The following FGD5 variants were observed in gnomAD, a reference collection of about 807,000 sequenced individuals.
FGD5 encodes FYVE, RhoGEF and PH domain-containing protein 5.
Under a neutral mutation model 133.4 loss-of-function variants are expected in FGD5, and 28 were observed. The ratio of observed to expected loss-of-function variants is 0.21; its 90% CI spans 0.16 to 0.29. FGD5 has a LOEUF of 0.29. Among genes scored for constraint, FGD5 ranks in the 10% least tolerant of loss-of-function variants. The probability of loss-of-function intolerance (pLI) is 1.00; values close to 1 mark genes in which losing one functional copy is unlikely to be tolerated. For synonymous variants in FGD5, 810 were observed against 776.5 expected (o/e 1.04, Z -0.72); for missense variants, 1,858 against 1,895.2 (o/e 0.98, Z 0.36).
intron 2 of FGD5, among the ~76,000 whole-genome samples, chr3:14,879,031 A>G (rs926896873): frequency 3.9e-5 from 6 of 152,288 alleles, no homozygotes; most frequent in South Asian, 2.1e-4. Context: ...TTTAACCACA[A>G]CACTATGCAG....
chr3:14,868,511 A>G (rs1336377026), intron 2 of FGD5, among the ~76,000 whole-genome samples: 4 of 152,212 alleles, frequency 2.6e-5, no homozygotes, highest in Admixed American at 2.0e-4. Flanking sequence ...GGTTGTTGCC[A>G]TTGGACCAGT....
intron 19 of FGD5, 38 bp downstream of exon 19, chr3:14,932,769 C>A: frequency 1.3e-6 from 2 of 1,595,010 alleles, no homozygotes; most frequent in South Asian, 2.3e-5. Context: ...GCTTTTTGTT[C>A]TCTCAGAAGG....
At chr3:14,854,839 C>T (rs920717097) in intron 1 of FGD5, among the ~76,000 whole-genome samples, 4 of 152,202 alleles carry the variant, frequency 2.6e-5, no homozygotes, top group Admixed American at 6.5e-5. Context: ...TCATCTCAAA[C>T]GTTGATCATT....
chr3:14,810,704 C>T (rs2036278269), upstream of FGD5: 2 of 697,056 alleles, frequency 2.9e-6, no homozygotes, highest in Non-Finnish European at 3.5e-6. Context: ...CTGCGCGCCG[C>T]GCGGAGTCCG....
chr3:14,835,750 T>C (rs758056356), intron 1 of FGD5, among the ~76,000 whole-genome samples: 2 of 152,254 alleles, frequency 1.3e-5, no homozygotes, highest in East Asian at 3.9e-4. Context: ...GGGTGAGCCG[T>C]TTTCTAGAAT....
chr3:14,847,856 G>C (rs1489387749), intron 1 of FGD5, among the ~76,000 whole-genome samples: 1 of 152,230 alleles, frequency 6.6e-6, no homozygotes, highest in Admixed American at 6.5e-5. Flanking sequence ...TAGACTTGCT[G>C]TGTAGCCCAG....
chr3:14,889,786 G>A (rs189651580), intron 4 of FGD5, among the ~76,000 whole-genome samples: 1 of 152,160 alleles, frequency 6.6e-6, no homozygotes, highest in Admixed American at 6.5e-5. Flanking sequence ...GCATTTCCCT[G>A]ATGATTAATA....
intron 1 of FGD5, among the ~76,000 whole-genome samples, chr3:14,830,830 G>A (rs2036693009): frequency 6.6e-6 from 1 of 152,202 alleles, no homozygotes; most frequent in Admixed American, 6.5e-5. Context: ...ATGTGTATCA[G>A]GTACCTATTC....
In FGD5 at chr3:14,844,658, A is replaced by C. The variant is rs541781530; in HGVS notation, c.2526-19470A>C. Among the ~76,000 whole-genome samples the C allele has an allele frequency of 2.6e-5, 4 of 152,156 alleles. No individual in the cohort carries two copies. In the South Asian group the frequency reaches 8.3e-4, roughly 32 times the overall value. On this transcript the variant is annotated intron_variant, in intron 1 of 19. Transcript: ENST00000285046. ...GCATAAAACCCTGGCTGCATAGTTCACTGACAGTGTGACTTTGGGCTAGTC... is the reference window on the plus strand; with the variant it reads ...GCATAAAACCCTGGCTGCATAGTTCCCTGACAGTGTGACTTTGGGCTAGTC...
intron 4 of FGD5, among the ~76,000 whole-genome samples, chr3:14,893,528 T>G (rs1186778164): frequency 6.6e-6 from 1 of 152,060 alleles, no homozygotes; most frequent in Admixed American, 6.6e-5. Flanking sequence ...TTAAATTTTT[T>G]GTAAAGACGG....
In FGD5 at chr3:14,865,451, A is replaced by G. The variant is rs374984601; in HGVS notation, c.2658+1191A>G. 1.3e-4 allele frequency among the ~76,000 whole-genome samples: 20 copies of G among 152,296 alleles called. No individual in the cohort carries two copies. In the South Asian group the frequency reaches 3.9e-3, roughly 30 times the overall value. On this transcript the variant is annotated intron_variant, in intron 2 of 19. Transcript: ENST00000285046. ...TTCATAAAGTTACCTACCAAGTGCT[A>G]CAGGAGCCCTCAAGAGAGTTACTCC...
intron 8 of FGD5, 150 bp from the exon 9 acceptor site, chr3:14,900,853 G>A (rs1405136819): frequency 2.5e-6 from 2 of 804,996 alleles, no homozygotes; most frequent in East Asian, 5.1e-5. Flanking sequence ...CAGGGAAACT[G>A]AGGCATGCAT....
At chr3:14,813,192 A>AG (rs1314031322) in intron 1 of FGD5, among the ~76,000 whole-genome samples, 1 of 151,862 alleles carries the variant, frequency 6.6e-6, no homozygotes, top group African/African-American at 2.4e-5. Context: ...ATGAAAAAAA[A>AG]GGGGGTATTT....
At chr3:14,892,247 G>A (rs367821615) in intron 4 of FGD5, among the ~76,000 whole-genome samples, 11 of 151,600 alleles carry the variant, frequency 7.3e-5, no homozygotes, top group African/African-American at 2.7e-4. Context: ...TATCACCCAG[G>A]CTGGAGTGTA....
chr3:14,852,492 C>T (rs760782704), intron 1 of FGD5, among the ~76,000 whole-genome samples: 3 of 152,250 alleles, frequency 2.0e-5, no homozygotes, highest in Admixed American at 6.5e-5. Flanking sequence ...AATTAGATAA[C>T]GGTGTTGGCC....
In FGD5 at chr3:14,824,373, T is replaced by A. The variant is rs55666311; in HGVS notation, c.2525+2777T>A. 4.1e-3 allele frequency among the ~76,000 whole-genome samples: 628 copies of A among 152,266 alleles called. 5 individuals carry two copies. The highest frequency in any genetic ancestry group is 6.0e-3 in the Non-Finnish European group (410 of 68,012). ...GAGGGGATGCTGCTGATCTGAGACC[T>A]CTGCCTAGGGGTGCTTGGGGTTGGA... On this transcript the variant is annotated intron_variant, in intron 1 of 19. Transcript: ENST00000285046.
chr3:14,824,365 C>G (rs1295652479), intron 1 of FGD5, among the ~76,000 whole-genome samples: 1 of 152,168 alleles, frequency 6.6e-6, no homozygotes, highest in Admixed American at 6.5e-5. Flanking sequence ...TGCTGCTGAT[C>G]TGAGACCTCT....
chr3:14,852,832 A>C (rs2037192653), intron 1 of FGD5, among the ~76,000 whole-genome samples: 1 of 152,148 alleles, frequency 6.6e-6, no homozygotes, highest in African/African-American at 2.4e-5. Flanking sequence ...AGAGGCGTGA[A>C]AGGGAGCCTC....
At chr3:14,855,639 G>T (rs2037262633) in intron 1 of FGD5, among the ~76,000 whole-genome samples, 1 of 150,708 alleles carries the variant, frequency 6.6e-6, no homozygotes, top group Middle Eastern at 3.4e-3. Context: ...TATACTTGTT[G>T]GCCATTTGTA....
Sources: gnomAD v4.1 joint callset for allele counts (sites outside exome capture counted in the v4.1 genomes callset) on GRCh38, gnomAD v4.1.1 for gene constraint, MANE v1.5 for transcripts, NCBI Gene and HGNC (gene_info 2026-07-23, HGNC 2026-07-21) for gene names.